HDAC9: variants seen among roughly 807,000 people sequenced by gnomAD.
HDAC9 encodes the protein MEF-2 interacting transcription repressor (MITR) protein.
Under a neutral mutation model 139.4 loss-of-function variants are expected in HDAC9, and 41 were observed. The observed-to-expected ratio is 0.29, with a 90% CI of 0.23 to 0.38. HDAC9 has a LOEUF of 0.38. HDAC9 is among the 10% of genes least tolerant of loss of function. HDAC9 has a pLI of 1.00. For synonymous variants in HDAC9, 517 were observed against 476.2 expected (o/e 1.09, Z -1.12); for missense variants, 1,147 against 1,297.0 (o/e 0.88, Z 1.78).
intron 1 of HDAC9, among the ~76,000 whole-genome samples, chr7:18,478,170 C>A (rs1410813411): frequency 6.6e-6 from 1 of 151,876 alleles, no homozygotes. Flanking sequence ...CTCCCGGGTT[C>A]ACGCCGTTTT....
chr7:18,633,056 G>A (rs982168537), intron 7 of HDAC9, among the ~76,000 whole-genome samples: 8 of 152,092 alleles, frequency 5.3e-5, no homozygotes, highest in Non-Finnish European at 1.0e-4. Flanking sequence ...GGCAAGAAAT[G>A]TGACTTTCCT....
At chr7:18,675,976 G>A in intron 12 of HDAC9, among the ~76,000 whole-genome samples, 1 of 151,966 alleles carries the variant, frequency 6.6e-6, no homozygotes, top group East Asian at 1.9e-4. Flanking sequence ...AACTCTAGGT[G>A]TGAATGATTA....
chr7:18,357,525 C>T (rs1165924851), intron 1 of HDAC9, among the ~76,000 whole-genome samples: 2 of 151,464 alleles, frequency 1.3e-5, no homozygotes, highest in Non-Finnish European at 3.0e-5. Flanking sequence ...GAATTATAGC[C>T]AGTATAGGAG....
intron 8 of HDAC9, among the ~76,000 whole-genome samples, chr7:18,638,876 C>G (rs1427033374): frequency 6.6e-6 from 1 of 152,004 alleles, no homozygotes; most frequent in African/African-American, 2.4e-5. Flanking sequence ...TCAGGGGTTT[C>G]TATTTCCAAC....
intron 18 of HDAC9, 57 bp downstream of exon 18, chr7:18,829,273 G>T: frequency 7.3e-7 from 1 of 1,371,850 alleles, no homozygotes; most frequent in East Asian, 2.3e-5. Context: ...GCGGTCACCT[G>T]CCCCGTGCAT....
At chr7:18,385,258 C>T (rs1785808905) in intron 1 of HDAC9, among the ~76,000 whole-genome samples, 1 of 151,950 alleles carries the variant, frequency 6.6e-6, no homozygotes, top group Middle Eastern at 3.2e-3. Context: ...TTCTCAAATG[C>T]AGGAATGTTT....
intron 1 of HDAC9, among the ~76,000 whole-genome samples, chr7:18,112,383 T>A (rs1173110885): frequency 6.6e-6 from 1 of 151,936 alleles, no homozygotes; most frequent in African/African-American, 2.4e-5. Flanking sequence ...CTTGTGTTGG[T>A]ATACAACAAT....
chr7:18,430,758 A>C (rs1365092313), intron 1 of HDAC9: 2 of 151,906 alleles, frequency 1.3e-5, no homozygotes, highest in Non-Finnish European at 2.9e-5. Context: ...GTGGCAGCAC[A>C]TGCCTGTAAT....
At chr7:18,250,812 A>G (rs141070212) in intron 2 of HDAC9, among the ~76,000 whole-genome samples, 1,908 of 152,090 alleles carry the variant, frequency 0.013, 32 homozygotes, top group African/African-American at 0.043. Context: ...AGTAATAGCC[A>G]TTCTGACTGG....
intron 12 of HDAC9, among the ~76,000 whole-genome samples, chr7:18,691,120 G>C (rs930135754): frequency 2.0e-5 from 3 of 151,814 alleles, no homozygotes; most frequent in Admixed American, 1.3e-4. Flanking sequence ...TCTTAACTCT[G>C]AATGAAACCC....
At chr7:18,381,310 T>C (rs1785427573) in intron 1 of HDAC9, among the ~76,000 whole-genome samples, 1 of 151,144 alleles carries the variant, frequency 6.6e-6, no homozygotes, top group Admixed American at 6.6e-5. Flanking sequence ...TTTGACCACA[T>C]AGTTTGGGAA....
rs188158292 is a variant in HDAC9 at position 18,316,889 on chromosome 7, C to T, written c.-42+26374C>T. The stretch of plus-strand genomic sequence containing the variant: ...CAGGCAGATCACGAGGTCAGGAGAT[C>T]GAGACCATCCTGGCTAACACAGTGA... On this transcript the variant is annotated intron_variant, in intron 1 of 3. Transcript: ENST00000413509. Among the ~76,000 whole-genome samples, 969 of 151,428 alleles carry T rather than the reference C, an allele frequency of 6.4e-3. 12 individuals are homozygous for T. The highest frequency in any genetic ancestry group is 0.023 in the African/African-American group (935 of 41,266).
At chr7:18,441,919 T>C (rs988233114) in intron 1 of HDAC9, among the ~76,000 whole-genome samples, 5 of 151,922 alleles carry the variant, frequency 3.3e-5, no homozygotes, top group Admixed American at 1.3e-4. Flanking sequence ...GGGCGCCCGC[T>C]ACCACGCCCG....
chr7:18,479,793 C>T (rs1386372139), intron 1 of HDAC9, among the ~76,000 whole-genome samples: 1 of 151,788 alleles, frequency 6.6e-6, no homozygotes. Flanking sequence ...TCGCTCAAGA[C>T]TATTTTATTA....
intron 1 of HDAC9, among the ~76,000 whole-genome samples, chr7:18,398,517 CT>C (rs1173655010): frequency 3.3e-5 from 5 of 150,862 alleles, no homozygotes; most frequent in African/African-American, 4.9e-5. Flanking sequence ...CAACATTTGC[CT>C]TTTTTTTTAA....
chr7:18,752,764 A>G (rs928565895), intron 14 of HDAC9, among the ~76,000 whole-genome samples: 1 of 152,158 alleles, frequency 6.6e-6, no homozygotes, highest in African/African-American at 2.4e-5. Context: ...AGGTCAGTGC[A>G]TTGTTTTTCA....
At chr7:18,731,756 G>A (rs1448406745) in intron 13 of HDAC9, among the ~76,000 whole-genome samples, 4 of 152,086 alleles carry the variant, frequency 2.6e-5, no homozygotes, top group Admixed American at 1.3e-4. Flanking sequence ...CTCCCTAGTA[G>A]CTGGGATTAC....
At chr7:18,173,389 G>A (rs764781774) in intron 2 of HDAC9, among the ~76,000 whole-genome samples, 2 of 152,098 alleles carry the variant, frequency 1.3e-5, no homozygotes, top group East Asian at 3.8e-4. Flanking sequence ...ACACTGATGG[G>A]TCTTGACTCT....
chr7:18,298,179 G>T (rs1179344488), intron 1 of HDAC9, among the ~76,000 whole-genome samples: 1 of 152,042 alleles, frequency 6.6e-6, no homozygotes, highest in Non-Finnish European at 1.5e-5. Flanking sequence ...AAGCTAAACA[G>T]GGTGATATTG....
Sources: gnomAD v4.1 joint callset for allele counts (sites outside exome capture counted in the v4.1 genomes callset) on GRCh38, gnomAD v4.1.1 for gene constraint, MANE v1.5 for transcripts, NCBI Gene and HGNC (gene_info 2026-07-23, HGNC 2026-07-21) for gene names.